Variants in ACTR3B observed in about 807,000 individuals in gnomAD.
ACTR3B encodes the protein actin-related protein 3B.
ACTR3B carries 8 observed loss-of-function variants against 59.0 expected under a neutral mutation model. The observed-to-expected ratio is 0.14, with a 90% confidence interval of 0.08 to 0.24. The LOEUF is 0.24. Ranked by LOEUF, ACTR3B falls within the 10% of genes least tolerant of loss-of-function variation. The probability of loss-of-function intolerance (pLI) is 1.00; values close to 1 mark genes in which losing one functional copy is unlikely to be tolerated. For missense variants in ACTR3B, 245 were observed against 552.3 expected (o/e 0.44, Z 5.58); for synonymous variants, 148 against 197.9 (o/e 0.75, Z 2.12).
chr7:152,765,787 GAAA>G (rs932689815), intron 1 of ACTR3B, among the ~76,000 whole-genome samples: 3 of 147,778 alleles, frequency 2.0e-5, no homozygotes, highest in Non-Finnish European at 3.0e-5. Flanking sequence ...CTTAAAAAAA[GAAA>G]AAAAAAAGTT....
chr7:152,815,417 T>C (rs369237606), intron 5 of ACTR3B, among the ~76,000 whole-genome samples: 3 of 152,348 alleles, frequency 2.0e-5, no homozygotes, highest in South Asian at 4.1e-4. Flanking sequence ...AAGTTACTTA[T>C]ATTCCATGGC....
intron 9 of ACTR3B, among the ~76,000 whole-genome samples, chr7:152,828,159 C>A (rs1271131052): frequency 6.6e-5 from 10 of 152,160 alleles, no homozygotes; most frequent in Non-Finnish European, 1.2e-4. Flanking sequence ...CCGGGTTGGC[C>A]TGTGATAATT....
At chr7:152,809,915 CTTT>C (rs56227383) in intron 4 of ACTR3B, among the ~76,000 whole-genome samples, 2 of 150,804 alleles carry the variant, frequency 1.3e-5, no homozygotes, top group African/African-American at 4.9e-5. Context: ...TTGAATTAAA[CTTT>C]TTTTTTTGGT....
intron 9 of ACTR3B, among the ~76,000 whole-genome samples, chr7:152,834,155 G>GTT (rs779609053): frequency 9.4e-4 from 130 of 138,294 alleles, no homozygotes; most frequent in African/African-American, 3.2e-3. Context: ...CGCTGTTTTT[G>GTT]TTTTTTTTTT....
At position 152,853,599 on chromosome 7, in the gene ACTR3B, T is replaced by C. The variant is rs745523802; in HGVS notation, c.1161+22T>C. The C allele has an allele frequency of 3.8e-6, 6 of 1,599,666 alleles. No homozygotes were observed. The Admixed American group carries it at 8.4e-5, about 22-fold the overall frequency. On this transcript the variant is annotated intron_variant, in intron 11 of 11. Coordinates refer to ENST00000256001, the MANE Select transcript of ACTR3B (RefSeq NM_020445.6). ...GACTGTAAGTCCCTCTCTCGAGGGC[T>C]CTGTGTCTCCATTCCTGTGCTCTCG... is the stretch of plus-strand genomic sequence containing the variant.
intron 9 of ACTR3B, among the ~76,000 whole-genome samples, chr7:152,849,393 C>T (rs946089172): frequency 3.9e-5 from 6 of 152,168 alleles, no homozygotes; most frequent in Admixed American, 1.3e-4. Flanking sequence ...GCCTCAGAAC[C>T]GCCCTGGTTC....
chr7:152,774,198 G>T (rs1245937744), intron 1 of ACTR3B, among the ~76,000 whole-genome samples: 5 of 152,154 alleles, frequency 3.3e-5, no homozygotes, highest in Non-Finnish European at 5.9e-5. Flanking sequence ...GTGCAATGGC[G>T]TGATCTCAAC....
chr7:152,833,837 G>C (rs1797220280), intron 9 of ACTR3B, among the ~76,000 whole-genome samples: 1 of 152,076 alleles, frequency 6.6e-6, no homozygotes, highest in South Asian at 2.1e-4. Flanking sequence ...TTAAAATGGA[G>C]ATTTTTATTT....
intron 2 of ACTR3B, among the ~76,000 whole-genome samples, chr7:152,799,570 G>C (rs1035695211): frequency 1.6e-4 from 25 of 152,178 alleles, no homozygotes; most frequent in African/African-American, 6.0e-4. Flanking sequence ...TTAAAGATGG[G>C]GGTTATCTGA....
At chr7:152,844,340 G>A (rs552165312) in intron 9 of ACTR3B, among the ~76,000 whole-genome samples, 492 of 139,508 alleles carry the variant, frequency 3.5e-3, no homozygotes, top group African/African-American at 0.011. Flanking sequence ...TTACAGGCAT[G>A]AGCCGTCACG....
At chr7:152,766,861 A>T (rs1206410006) in intron 1 of ACTR3B, among the ~76,000 whole-genome samples, 1 of 152,054 alleles carries the variant, frequency 6.6e-6, no homozygotes, top group Non-Finnish European at 1.5e-5. Context: ...GTCTCCACTC[A>T]GTGCAACCTC....
chr7:152,789,060 C>CA (rs2098185325), intron 2 of ACTR3B, among the ~76,000 whole-genome samples: 43 of 129,834 alleles, frequency 3.3e-4, no homozygotes, highest in South Asian at 1.3e-3. Flanking sequence ...CAAACAGCAA[C>CA]AACAAACAAC....
intron 9 of ACTR3B, among the ~76,000 whole-genome samples, chr7:152,848,001 T>TC (rs1428079930): frequency 6.6e-6 from 1 of 152,196 alleles, no homozygotes; most frequent in Non-Finnish European, 1.5e-5. Context: ...CAGGGAGCAC[T>TC]CCCCTGGGAC....
intron 2 of ACTR3B, among the ~76,000 whole-genome samples, chr7:152,785,292 G>A (rs1231859580): frequency 6.9e-6 from 1 of 144,810 alleles, no homozygotes; most frequent in Non-Finnish European, 1.5e-5. Flanking sequence ...CAGAACCTTA[G>A]CAGTCGCAGA....
chr7:152,774,721 A>T (rs115192007), intron 1 of ACTR3B, among the ~76,000 whole-genome samples: 3,848 of 152,258 alleles, frequency 0.025, 160 homozygotes, highest in African/African-American at 0.086. Flanking sequence ...AGGCAAAGAT[A>T]CTGGATTTGG....
chr7:152,847,609 A>C (rs778635142), intron 9 of ACTR3B, among the ~76,000 whole-genome samples: 56 of 152,194 alleles, frequency 3.7e-4, no homozygotes, highest in Admixed American at 1.1e-3. Flanking sequence ...CGGATGAAGT[A>C]GCTGAAGGAA....
intron 5 of ACTR3B, among the ~76,000 whole-genome samples, chr7:152,815,245 A>G (rs548462100): frequency 6.6e-6 from 1 of 152,130 alleles, no homozygotes; most frequent in Non-Finnish European, 1.5e-5. Flanking sequence ...GGAGGAGGAA[A>G]AGTTCCATAG....
chr7:152,781,818 C>T lies in ACTR3B; in HGVS notation c.45-1369C>T, dbSNP rs192082827. Among the ~76,000 whole-genome samples, 1,363 of 152,208 alleles carry T rather than the reference C, an allele frequency of 9.0e-3. 13 individuals carry two copies. Among genetic ancestry groups the T allele is most frequent in the Middle Eastern group, 0.034 (10 of 294 alleles). The stretch of plus-strand genomic sequence containing the variant: ...GAATTCTACCTTGTAGGTGGAACCC[C>T]GGAGTGGAGTTGTGGTAGGTCCACT... On this transcript the variant is annotated intron_variant, in intron 1 of 11. Coordinates refer to ENST00000256001, the MANE Select transcript of ACTR3B (RefSeq NM_020445.6).
intron 10 of ACTR3B, among the ~76,000 whole-genome samples, chr7:152,852,927 G>T (rs1798937731): frequency 1.3e-5 from 2 of 152,146 alleles, no homozygotes; most frequent in Middle Eastern, 3.4e-3. Context: ...GAGTAGCTGG[G>T]ACTACAGGTG....
Sources: gnomAD v4.1 joint callset for allele counts (sites outside exome capture counted in the v4.1 genomes callset) on GRCh38, gnomAD v4.1.1 for gene constraint, MANE v1.5 for transcripts, NCBI Gene and HGNC (gene_info 2026-07-23, HGNC 2026-07-21) for gene names.